The following STK32B variants were observed in gnomAD, a reference collection of about 807,000 sequenced individuals.
The protein encoded by STK32B is serine/threonine-protein kinase 32B.
A neutral mutation model predicts 52.6 loss-of-function variants in STK32B; 43 were observed. The observed-to-expected ratio is 0.82, with a 90% CI of 0.64 to 1.05. The LOEUF is 1.05. STK32B is among the 50% of genes least tolerant of loss of function. The pLI, the probability that STK32B is intolerant of heterozygous loss-of-function variation, is 0.00. For synonymous variants in STK32B, 238 were observed against 204.3 expected, an observed-to-expected ratio of 1.17 and a Z score of -1.41; for missense variants, 621 against 534.6, an observed-to-expected ratio of 1.16 and a Z score of -1.59.
intron 3 of STK32B, among the ~76,000 whole-genome samples, chr4:5,174,890 A>G (rs959000559): frequency 1.3e-5 from 2 of 152,238 alleles, no homozygotes; most frequent in Non-Finnish European, 2.9e-5. Flanking sequence ...AATATCCTGC[A>G]GAGTGTTTTC....
At chr4:5,066,016 G>C (rs1165799997) in intron 1 of STK32B, among the ~76,000 whole-genome samples, 1 of 152,144 alleles carries the variant, frequency 6.6e-6, no homozygotes, top group Non-Finnish European at 1.5e-5. Flanking sequence ...GAGCCACCAT[G>C]CCTGGCCAGA....
At chr4:5,040,781 T>A in the STK32B span, among the ~76,000 whole-genome samples, 115 of 152,238 alleles carry the variant, frequency 7.6e-4, no homozygotes, top group African/African-American at 2.6e-3. Flanking sequence ...TGGGACATGG[T>A]CTGAGATATG....
intron 3 of STK32B, among the ~76,000 whole-genome samples, chr4:5,214,721 C>T (rs1456235960): frequency 1.3e-5 from 2 of 152,134 alleles, no homozygotes; most frequent in African/African-American, 4.8e-5. Context: ...TTTGGCATTT[C>T]CTTTTAGTCT....
intron 3 of STK32B, among the ~76,000 whole-genome samples, chr4:5,231,010 A>G (rs895126874): frequency 6.6e-6 from 1 of 152,218 alleles, no homozygotes; most frequent in Non-Finnish European, 1.5e-5. Flanking sequence ...AGAAAGTTAT[A>G]ACCTGCAGAC....
intron 2 of STK32B, among the ~76,000 whole-genome samples, chr4:5,148,146 TAATC>T (rs1293161776): frequency 2.6e-5 from 4 of 151,958 alleles, no homozygotes; most frequent in South Asian, 2.1e-4. Flanking sequence ...TTCAAGAAAT[TAATC>T]AATTTTCTCT....
At chr4:5,301,712 A>T (rs1729568467) in intron 3 of STK32B, among the ~76,000 whole-genome samples, 1 of 126,244 alleles carries the variant, frequency 7.9e-6, no homozygotes, top group African/African-American at 3.1e-5. Flanking sequence ...AATTTTTGTC[A>T]CTTTTCCAAA....
At chr4:5,362,221 C>G (rs971896627) in intron 4 of STK32B, among the ~76,000 whole-genome samples, 6 of 152,264 alleles carry the variant, frequency 3.9e-5, no homozygotes, top group African/African-American at 1.4e-4. Context: ...GTTGGAATCG[C>G]AGATATGAAG....
chr4:5,317,081 T>TA (rs1425557700), intron 3 of STK32B, among the ~76,000 whole-genome samples: 1 of 44,546 alleles, frequency 2.2e-5, no homozygotes, highest in African/African-American at 1.8e-4. Flanking sequence ...TTATATATTA[T>TA]ATATATAATA....
chr4:5,370,720 T>TTC (rs1560359811), intron 4 of STK32B, among the ~76,000 whole-genome samples: 10 of 152,062 alleles, frequency 6.6e-5, no homozygotes, highest in African/African-American at 2.4e-4. Flanking sequence ...CAGCCGGGCA[T>TTC]AGTGGCTCAT....
At chr4:5,264,914 G>A (rs7662699) in intron 3 of STK32B, among the ~76,000 whole-genome samples, 14,787 of 152,052 alleles carry the variant, frequency 0.097, 1,998 homozygotes, top group African/African-American at 0.3. Flanking sequence ...TATTAGTGAC[G>A]TCTTGATGCC....
chr4:5,124,211 GAA>G (rs1268612766), intron 1 of STK32B, among the ~76,000 whole-genome samples: 1 of 152,186 alleles, frequency 6.6e-6, no homozygotes, highest in African/African-American at 2.4e-5. Context: ...CTCTCACAGA[GAA>G]AAAGTCCCGA....
intron 3 of STK32B, among the ~76,000 whole-genome samples, chr4:5,330,207 A>T (rs2108952781): frequency 6.6e-6 from 1 of 152,332 alleles, no homozygotes; most frequent in South Asian, 2.1e-4. Flanking sequence ...TCTAAGACAC[A>T]GGTCTAAGCT....
chr4:5,364,645 T>C (rs1734760265), intron 4 of STK32B, among the ~76,000 whole-genome samples: 1 of 152,186 alleles, frequency 6.6e-6, no homozygotes, highest in African/African-American at 2.4e-5. Flanking sequence ...ACCACCTGTC[T>C]GGTGGGCTGT....
At chr4:5,362,298 C>T (rs1255628463) in intron 4 of STK32B, among the ~76,000 whole-genome samples, 3 of 152,208 alleles carry the variant, frequency 2.0e-5, no homozygotes, top group Non-Finnish European at 4.4e-5. Flanking sequence ...AGCCTTTATG[C>T]ACTCATGATC....
intron 3 of STK32B, among the ~76,000 whole-genome samples, chr4:5,251,464 C>G (rs1264899740): frequency 6.6e-6 from 1 of 152,110 alleles, no homozygotes; most frequent in African/African-American, 2.4e-5. Context: ...CAGTACCATG[C>G]TATTTTGTTT....
At chr4:5,028,472 G>GT in the STK32B span, among the ~76,000 whole-genome samples, 1 of 152,326 alleles carries the variant, frequency 6.6e-6, no homozygotes. Context: ...ACAAAGTGAC[G>GT]TAAGAGAAAG....
intron 1 of STK32B, among the ~76,000 whole-genome samples, chr4:5,071,615 C>G (rs1379817250): frequency 2.6e-5 from 4 of 152,128 alleles, no homozygotes; most frequent in Admixed American, 6.6e-5. Flanking sequence ...GTTTCTTAAC[C>G]CTTCTCTCCA....
intron 11 of STK32B, among the ~76,000 whole-genome samples, chr4:5,484,026 A>C (rs1319953596): frequency 1.3e-5 from 2 of 152,022 alleles, no homozygotes; most frequent in Admixed American, 6.6e-5. Context: ...TCAATTTTGG[A>C]ATAGGTGTGG....
In STK32B at chr4:5,386,059, C is replaced by A. The variant is rs1024969283; in HGVS notation, c.435-12148C>A. Among the ~76,000 whole-genome samples, 1 of 149,428 alleles carries A rather than the reference C, an allele frequency of 6.7e-6. No individual in the cohort carries two copies. The highest frequency in any genetic ancestry group is 2.5e-5 in the African/African-American group (1 of 40,382). ...AGAGCCCCCACCCACACCCACAGCCCCACCCATAGCCCCTACCCAGATTTC... is the reference window on the plus strand; with the variant it reads ...AGAGCCCCCACCCACACCCACAGCCACACCCATAGCCCCTACCCAGATTTC... On this transcript the variant is annotated intron_variant, in intron 4 of 11. Coordinates refer to ENST00000282908, the MANE Select transcript of STK32B (RefSeq NM_018401.3). This position sits in a 1 kb window ranked among gnomAD's most constrained non-coding sequence, Gnocchi z 4.5.
Sources: allele counts gnomAD v4.1 joint callset (sites outside exome capture counted in the v4.1 genomes callset), GRCh38; gene constraint gnomAD v4.1.1; non-coding constraint Gnocchi (gnomAD v3.1); transcripts MANE v1.5; gene names NCBI Gene and HGNC (gene_info 2026-07-23, HGNC 2026-07-21).